Variants in SCLT1 observed in about 807,000 individuals in gnomAD.
The protein encoded by SCLT1 is sodium channel-associated protein 1.
SCLT1 carries 78 observed loss-of-function variants against 112.8 expected under a neutral mutation model. The observed-to-expected ratio is 0.69, with a 90% confidence interval of 0.58 to 0.83. The LOEUF (loss-of-function observed/expected upper bound fraction) is 0.83. SCLT1 is among the 40% of genes least tolerant of loss of function. The pLI, the probability that SCLT1 is intolerant of heterozygous loss-of-function variation, is 0.00. For missense variants in SCLT1, 747 were observed against 770.4 expected, an observed-to-expected ratio of 0.97 and a Z score of 0.36; for synonymous variants, 257 against 254.7, an observed-to-expected ratio of 1.01 and a Z score of -0.09.
At chr4:128,900,926 C>G (rs1734232647) in intron 18 of SCLT1, among the ~76,000 whole-genome samples, 2 of 152,044 alleles carry the variant, frequency 1.3e-5, no homozygotes, top group Non-Finnish European at 2.9e-5. Flanking sequence ...TGAAAAAATG[C>G]TCATCATCAC....
At chr4:128,893,374 T>A (rs1395483570) in intron 18 of SCLT1, among the ~76,000 whole-genome samples, 1 of 152,204 alleles carries the variant, frequency 6.6e-6, no homozygotes, top group Non-Finnish European at 1.5e-5. Context: ...AGTGAGCAAC[T>A]TCATTATTCA....
intron 18 of SCLT1, among the ~76,000 whole-genome samples, chr4:128,907,339 C>G (rs1734767988): frequency 6.6e-6 from 1 of 152,084 alleles, no homozygotes; most frequent in African/African-American, 2.4e-5. Flanking sequence ...AGTGTTATTG[C>G]AGTAATCCAG....
chr4:128,969,129 C>A (rs1161300901), intron 10 of SCLT1, among the ~76,000 whole-genome samples: 1 of 152,158 alleles, frequency 6.6e-6, no homozygotes. Context: ...AGGTCTCTGC[C>A]TGCTTCTTCA....
At chr4:128,918,066 C>T (rs1464374449) in intron 18 of SCLT1, among the ~76,000 whole-genome samples, 1 of 152,128 alleles carries the variant, frequency 6.6e-6, no homozygotes, top group Non-Finnish European at 1.5e-5. Flanking sequence ...GCCCAGAAAC[C>T]CCACCCTTAG....
chr4:128,981,109 G>A (rs1741610441), intron 9 of SCLT1, among the ~76,000 whole-genome samples: 1 of 152,130 alleles, frequency 6.6e-6, no homozygotes, highest in Non-Finnish European at 1.5e-5. Flanking sequence ...ACGCCTTCCA[G>A]GGGCTCAAAG....
intron 1 of SCLT1, among the ~76,000 whole-genome samples, chr4:129,090,967 A>T (rs1752776868): frequency 6.6e-6 from 1 of 152,218 alleles, no homozygotes; most frequent in Admixed American, 6.5e-5. Context: ...GTACCAAAAC[A>T]TGAGTTGAGA....
At chr4:128,915,443 T>G (rs1170647427) in intron 18 of SCLT1, among the ~76,000 whole-genome samples, 1 of 152,248 alleles carries the variant, frequency 6.6e-6, no homozygotes, top group African/African-American at 2.4e-5. Flanking sequence ...GACTATGTAT[T>G]CCTTTATTAT....
chr4:129,028,377 T>A (rs1408249068), intron 5 of SCLT1, among the ~76,000 whole-genome samples: 1 of 151,980 alleles, frequency 6.6e-6, no homozygotes, highest in Non-Finnish European at 1.5e-5. Flanking sequence ...ACACCGCATA[T>A]CTACAACTAT....
chr4:129,079,689 A>G (rs887368608), intron 2 of SCLT1, among the ~76,000 whole-genome samples: 2 of 152,210 alleles, frequency 1.3e-5, no homozygotes, highest in African/African-American at 4.8e-5. Flanking sequence ...TTTGGTCCGG[A>G]GGATGGTAGC....
intron 10 of SCLT1, among the ~76,000 whole-genome samples, chr4:128,969,682 G>A (rs1740516897): frequency 6.6e-6 from 1 of 152,138 alleles, no homozygotes; most frequent in African/African-American, 2.4e-5. Flanking sequence ...CCACAGCTGT[G>A]GGGGTTGGGA....
At chr4:128,881,829 C>CCAT (rs1732646864), downstream of SCLT1, among the ~76,000 whole-genome samples, 1 of 152,118 alleles carries the variant, frequency 6.6e-6, no homozygotes, top group African/African-American at 2.4e-5. Flanking sequence ...AAGAAAAAAA[C>CCAT]CATCAAGTTT....
intron 18 of SCLT1, among the ~76,000 whole-genome samples, chr4:128,902,693 A>G (rs1185712887): frequency 6.6e-6 from 1 of 152,220 alleles, no homozygotes; most frequent in African/African-American, 2.4e-5. Flanking sequence ...AACACTGTAT[A>G]CTGAAGCTAC....
chr4:129,056,135 A>T (rs890531443), intron 2 of SCLT1, among the ~76,000 whole-genome samples: 1 of 151,886 alleles, frequency 6.6e-6, no homozygotes, highest in Admixed American at 6.6e-5. Flanking sequence ...ACCAGTCCCA[A>T]TGAGATGAAC....
chr4:128,937,670 GAATT>G (rs1243763187), intron 17 of SCLT1, among the ~76,000 whole-genome samples: 1 of 152,124 alleles, frequency 6.6e-6, no homozygotes, highest in African/African-American at 2.4e-5. Flanking sequence ...ATTAATGAAT[GAATT>G]ATTTTTCAGG....
intron 18 of SCLT1, among the ~76,000 whole-genome samples, chr4:128,920,243 T>C (rs949090170): frequency 4.6e-5 from 7 of 152,306 alleles, no homozygotes; most frequent in Middle Eastern, 6.8e-3. Context: ...TGGTTCAACA[T>C]ACACAAATCA....
chr4:128,985,799 G>A (rs1287400220), intron 9 of SCLT1, among the ~76,000 whole-genome samples: 1 of 152,036 alleles, frequency 6.6e-6, no homozygotes, highest in Admixed American at 6.5e-5. Context: ...GGCTGGTCTC[G>A]AACTCCTGAC....
intron 9 of SCLT1, chr4:128,972,279 A>G (rs1283246838): frequency 6.6e-6 from 1 of 152,150 alleles, no homozygotes; most frequent in Non-Finnish European, 1.5e-5. Flanking sequence ...AAAGCATAGC[A>G]ACCACACTGA....
At position 128,970,431 on chromosome 4, in the gene SCLT1, C is replaced by T; in HGVS notation, c.724G>A (p.Val242Met). The change falls in exon 10 of 21, where the codon GTG (valine) becomes ATG (methionine). Residue 242 changes from valine (V) to methionine (M), a missense_variant. Coordinates refer to ENST00000281142, the MANE Select transcript of SCLT1 (RefSeq NM_144643.4). Reference sequence around the variant, plus strand: ...TCAGTCACATTAGTTAACTCTTCCACTTTTGCTACAGCAACTCTCAGCTCT... The same window carrying T: ...TCAGTCACATTAGTTAACTCTTCCATTTTTGCTACAGCAACTCTCAGCTCT... Reference protein sequence around the residue: ...KLELRVAVAKVEELTNVTEDL... With the variant: ...KLELRVAVAKMEELTNVTEDL... 6.2e-7 allele frequency: 1 copy of T among 1,609,434 alleles called. No homozygotes were observed. The highest frequency in any genetic ancestry group is 8.5e-7 in the Non-Finnish European group (1 of 1,176,322).
intron 10 of SCLT1, among the ~76,000 whole-genome samples, chr4:128,966,214 C>G (rs1740177191): frequency 6.7e-6 from 1 of 150,268 alleles, no homozygotes; most frequent in Non-Finnish European, 1.5e-5. Flanking sequence ...ATCCTCCTGT[C>G]TCAGCCTCTC....
Sources: gnomAD v4.1 joint callset for allele counts (sites outside exome capture counted in the v4.1 genomes callset) on GRCh38, gnomAD v4.1.1 for gene constraint, MANE v1.5 for transcripts, NCBI Gene and HGNC (gene_info 2026-07-23, HGNC 2026-07-21) for gene names.